PCDH15: variants seen among roughly 807,000 people sequenced by gnomAD.
PCDH15 encodes protocadherin-15.
PCDH15 carries 129 observed loss-of-function variants against 178.5 expected under a neutral mutation model. The observed-to-expected ratio is 0.72, with a 90% confidence interval of 0.63 to 0.84. PCDH15 has a LOEUF of 0.84. PCDH15 is among the 40% of genes least tolerant of loss of function. The pLI, the probability that PCDH15 is intolerant of heterozygous loss-of-function variation, is 0.00. For synonymous variants in PCDH15, 800 were observed against 732.0 expected, an observed-to-expected ratio of 1.09 and a Z score of -1.50; for missense variants, 2,230 against 2,099.9, an observed-to-expected ratio of 1.06 and a Z score of -1.21.
intron 3 of PCDH15, among the ~76,000 whole-genome samples, chr10:54,407,470 A>C (rs1468701665): frequency 1.3e-5 from 2 of 152,108 alleles, no homozygotes; most frequent in Non-Finnish European, 2.9e-5. Context: ...AATCTGGATA[A>C]TGGCTCCAGG....
At chr10:53,937,336 T>C (rs1440703650) in intron 25 of PCDH15, among the ~76,000 whole-genome samples, 1 of 152,216 alleles carries the variant, frequency 6.6e-6, no homozygotes, top group Non-Finnish European at 1.5e-5. Flanking sequence ...GGTACACTTT[T>C]CAATTAATCT....
intron 2 of PCDH15, among the ~76,000 whole-genome samples, chr10:55,462,810 G>T (rs1189078532): frequency 6.6e-6 from 1 of 152,034 alleles, no homozygotes; most frequent in Non-Finnish European, 1.5e-5. Flanking sequence ...TGCAGTAAAT[G>T]CAAAGGGTAT....
chr10:54,529,087 T>C (rs1238190800), intron 2 of PCDH15, among the ~76,000 whole-genome samples: 2 of 151,978 alleles, frequency 1.3e-5, no homozygotes, highest in Non-Finnish European at 2.9e-5. Context: ...TATTTACTTA[T>C]TAAAATTCTG....
At chr10:54,091,239 CA>C (rs1334461905) in intron 15 of PCDH15, among the ~76,000 whole-genome samples, 2 of 152,124 alleles carry the variant, frequency 1.3e-5, no homozygotes, top group African/African-American at 2.4e-5. Flanking sequence ...CATGATGCTA[CA>C]GGGGGGGATA....
chr10:55,066,968 T>C (rs1841582248), intron 2 of PCDH15, among the ~76,000 whole-genome samples: 1 of 151,994 alleles, frequency 6.6e-6, no homozygotes, highest in South Asian at 2.1e-4. Context: ...ATACCCCAAG[T>C]GCTCTAACTT....
chr10:55,473,025 C>T (rs1839995112), intron 2 of PCDH15, among the ~76,000 whole-genome samples: 1 of 152,096 alleles, frequency 6.6e-6, no homozygotes, highest in Non-Finnish European at 1.5e-5. Flanking sequence ...GATCTTACAA[C>T]ATTAGAGTGG....
chr10:54,489,247 A>C (rs2384469), intron 3 of PCDH15, among the ~76,000 whole-genome samples: 9,779 of 152,178 alleles, frequency 0.064, 757 homozygotes, highest in African/African-American at 0.18. Context: ...TGATATTAAT[A>C]TTCTAATCAA....
chr10:55,350,514 A>T lies in PCDH15; in HGVS notation c.-155-183863T>A, dbSNP rs374679300. On this transcript the variant is annotated intron_variant, in intron 2 of 5. Coordinates refer to the PCDH15 transcript ENST00000613346. ...TTATTATGACTTTATGGAGAGAAAT[A>T]TTAGAAATAAGGAGAATGAAGTGAT... Among the ~76,000 whole-genome samples, 19 of 152,048 alleles carry T rather than the reference A, an allele frequency of 1.2e-4. No homozygotes were observed. The East Asian group carries it at 1.5e-3, about 12-fold the overall frequency.
intron 2 of PCDH15, among the ~76,000 whole-genome samples, chr10:54,597,849 A>G (rs1300291663): frequency 6.6e-6 from 1 of 152,178 alleles, no homozygotes. Flanking sequence ...AGAGACTACT[A>G]TGAAATCCTC....
chr10:54,607,622 G>A (rs1045799617), intron 2 of PCDH15, among the ~76,000 whole-genome samples: 5 of 151,992 alleles, frequency 3.3e-5, no homozygotes, highest in African/African-American at 7.2e-5. Context: ...TAGTCCTTAC[G>A]ATTAGAATTG....
At chr10:55,517,382 G>T (rs1053189230) in intron 2 of PCDH15, among the ~76,000 whole-genome samples, 9 of 152,076 alleles carry the variant, frequency 5.9e-5, no homozygotes, top group Non-Finnish European at 1.2e-4. Flanking sequence ...ATTTAACTTG[G>T]AAACTCTATA....
chr10:55,190,767 C>T (rs1003030388), intron 1 of PCDH15, among the ~76,000 whole-genome samples: 6 of 151,548 alleles, frequency 4.0e-5, no homozygotes, highest in Non-Finnish European at 7.4e-5. Flanking sequence ...AATTTACCAT[C>T]CATCTGTGAA....
intron 25 of PCDH15, among the ~76,000 whole-genome samples, chr10:53,930,769 C>A (rs185106871): frequency 6.6e-6 from 1 of 152,184 alleles, no homozygotes; most frequent in East Asian, 1.9e-4. Context: ...CTACATAAAC[C>A]CCCTAGCTTT....
chr10:53,933,716 A>T (rs1481740352), intron 25 of PCDH15, among the ~76,000 whole-genome samples: 1 of 152,134 alleles, frequency 6.6e-6, no homozygotes, highest in East Asian at 1.9e-4. Flanking sequence ...GTCAAATGGT[A>T]TTTCTAGTTC....
chr10:54,622,992 T>A (rs1212123509), intron 2 of PCDH15, among the ~76,000 whole-genome samples: 1 of 151,288 alleles, frequency 6.6e-6, no homozygotes, highest in Non-Finnish European at 1.5e-5. Context: ...ATGTCACACT[T>A]CAGGTTAGTT....
intron 3 of PCDH15, among the ~76,000 whole-genome samples, chr10:54,410,689 T>C (rs754747244): frequency 1.8e-4 from 27 of 152,006 alleles, no homozygotes; most frequent in Non-Finnish European, 2.9e-4. Flanking sequence ...CTGAGGAAAA[T>C]GGAAACAGGA....
Position 53,828,560 on chromosome 10 carries a change from CT to C in PCDH15, c.4211+4del. The C allele has an allele frequency of 6.4e-7, 1 of 1,553,292 alleles. No homozygotes were observed. The highest frequency in any genetic ancestry group is 8.9e-7 in the Non-Finnish European group (1 of 1,125,412). On this transcript the variant is annotated splice_donor_region_variant and intron_variant, in intron 31 of 37. Transcript: ENST00000644397. ...AAGGATGTGTAAAATGTTAATTATACTTACACTTTAAACCTGTTTGGGAAAG... is the reference window on the plus strand; with the variant it reads ...AAGGATGTGTAAAATGTTAATTATACTACACTTTAAACCTGTTTGGGAAAG...
At chr10:55,578,872 C>A (rs1842549055) in intron 2 of PCDH15, among the ~76,000 whole-genome samples, 1 of 152,210 alleles carries the variant, frequency 6.6e-6, no homozygotes, top group Non-Finnish European at 1.5e-5. Flanking sequence ...ATGAGAACAG[C>A]AGGGGGAAGA....
intron 9 of PCDH15, among the ~76,000 whole-genome samples, chr10:54,231,625 C>A (rs2054085981): frequency 6.6e-6 from 1 of 152,184 alleles, no homozygotes; most frequent in Admixed American, 6.5e-5. Context: ...AAGGCACAAG[C>A]ACCAAACACC....
Sources: gnomAD v4.1 joint callset for allele counts (sites outside exome capture counted in the v4.1 genomes callset) on GRCh38, gnomAD v4.1.1 for gene constraint, MANE v1.5 for transcripts, NCBI Gene and HGNC (gene_info 2026-07-23, HGNC 2026-07-21) for gene names.